Variants in EPHB2 observed in about 807,000 individuals in gnomAD.
The protein encoded by EPHB2 is ephrin type-B receptor 2.
A neutral mutation model predicts 96.4 loss-of-function variants in EPHB2; 18 were observed. That is an observed-to-expected ratio of 0.19 (90% CI 0.13 to 0.28). The LOEUF is 0.28. Among genes scored for constraint, EPHB2 ranks in the 10% least tolerant of loss-of-function variants. EPHB2 has a pLI of 1.00. For missense variants in EPHB2, 989 were observed against 1,355.4 expected, an observed-to-expected ratio of 0.73 and a Z score of 4.25; for synonymous variants, 506 against 534.1, an observed-to-expected ratio of 0.95 and a Z score of 0.72.
chr1:22,864,034 CTT>C (rs201727615), intron 4 of EPHB2, among the ~76,000 whole-genome samples: 275 of 131,054 alleles, frequency 2.1e-3, no homozygotes, highest in Middle Eastern at 0.015. Context: ...AGTTTCTGTT[CTT>C]TTTTTTTTTT....
chr1:22,895,985 C>A (rs1346889806), intron 8 of EPHB2, among the ~76,000 whole-genome samples: 1 of 152,204 alleles, frequency 6.6e-6, no homozygotes, highest in East Asian at 1.9e-4. Context: ...GGGGGAGGGA[C>A]CTCCCAAGTG....
At chr1:22,716,774 A>AG (rs1643305294) in intron 1 of EPHB2, among the ~76,000 whole-genome samples, 2 of 152,210 alleles carry the variant, frequency 1.3e-5, no homozygotes, top group Admixed American at 1.3e-4. Flanking sequence ...CCTAACAGGA[A>AG]GGGGCAGATG....
intron 13 of EPHB2, 102 bp from the exon 14 acceptor site, chr1:22,910,280 A>G: frequency 6.7e-7 from 1 of 1,484,816 alleles, no homozygotes; most frequent in Non-Finnish European, 9.3e-7. Context: ...CAGCAACTAA[A>G]TAGGTCAGAC....
chr1:22,865,897 C>A (rs1237530639), intron 5 of EPHB2, among the ~76,000 whole-genome samples: 1 of 152,274 alleles, frequency 6.6e-6, no homozygotes, highest in East Asian at 1.9e-4. Flanking sequence ...CTTTAGTAAC[C>A]TTTTCTGTGG....
chr1:22,891,275 A>G, intron 6 of EPHB2: 1 of 444,956 alleles, frequency 2.2e-6, no homozygotes, highest in Non-Finnish European at 4.5e-6. Context: ...CACGCACTGA[A>G]TCTTCATTGT....
intron 3 of EPHB2, among the ~76,000 whole-genome samples, 167 bp downstream of exon 3, chr1:22,785,243 A>C (rs923230732): frequency 2.0e-5 from 3 of 152,216 alleles, no homozygotes; most frequent in Non-Finnish European, 2.9e-5. Context: ...TCTTAGAGGG[A>C]GGCACTTGAA....
In EPHB2 at chr1:22,858,998, C is replaced by T. The variant is rs1048110068; in HGVS notation, c.812-4039C>T. 6.6e-6 allele frequency among the ~76,000 whole-genome samples: 1 copy of T among 152,126 alleles called. No individual in the cohort carries two copies. Among genetic ancestry groups the T allele is most frequent in the African/African-American group, 2.4e-5 (1 of 41,408 alleles). ...ACTGTATACAAAAAAATTAGCCCGG[C>T]GTGGTGGTGCATGCCTGTAATCCCA... is the stretch of plus-strand genomic sequence containing the variant. On this transcript the variant is annotated intron_variant, in intron 3 of 15. Transcript: ENST00000374630. This position sits in a 1 kb window ranked among gnomAD's most constrained non-coding sequence, Gnocchi z 7.7.
chr1:22,791,271 G>C (rs552584795), intron 3 of EPHB2, among the ~76,000 whole-genome samples: 8 of 151,732 alleles, frequency 5.3e-5, no homozygotes, highest in Admixed American at 3.3e-4. Context: ...AGAATCTTTA[G>C]AAATTACTGA....
chr1:22,833,492 T>C (rs1361811081), intron 3 of EPHB2, among the ~76,000 whole-genome samples: 1 of 152,204 alleles, frequency 6.6e-6, no homozygotes, highest in African/African-American at 2.4e-5. Context: ...GGAATAGGAT[T>C]GGAATTACAA....
chr1:22,876,856 G>A (rs905917125), intron 5 of EPHB2, among the ~76,000 whole-genome samples: 1 of 152,186 alleles, frequency 6.6e-6, no homozygotes, highest in African/African-American at 2.4e-5. Flanking sequence ...CCTGGCAAAT[G>A]CTGCCTCCTT....
At chr1:22,795,224 A>G (rs1396022341) in intron 3 of EPHB2, among the ~76,000 whole-genome samples, 2 of 152,234 alleles carry the variant, frequency 1.3e-5, no homozygotes, top group South Asian at 2.1e-4. Context: ...GACTTAAACC[A>G]AGACCTGCCT....
chr1:22,877,883 C>T (rs1034617314), intron 5 of EPHB2, among the ~76,000 whole-genome samples: 1 of 152,236 alleles, frequency 6.6e-6, no homozygotes, highest in African/African-American at 2.4e-5. Flanking sequence ...AGGCCCCACT[C>T]CAGACCTGCT....
At chr1:22,715,089 C>T (rs539095828) in intron 1 of EPHB2, among the ~76,000 whole-genome samples, 19 of 152,082 alleles carry the variant, frequency 1.2e-4, no homozygotes, top group African/African-American at 1.2e-4. Context: ...TGCTCAGTAA[C>T]GGAATGACAT....
At chr1:22,746,698 C>A (rs951480203) in intron 1 of EPHB2, among the ~76,000 whole-genome samples, 1 of 152,248 alleles carries the variant, frequency 6.6e-6, no homozygotes, top group African/African-American at 2.4e-5. Context: ...ATCCTGACCT[C>A]CTTCTGCACG....
chr1:22,842,191 C>T (rs997797716), intron 3 of EPHB2, among the ~76,000 whole-genome samples: 3 of 151,948 alleles, frequency 2.0e-5, no homozygotes, highest in East Asian at 1.9e-4. Context: ...TGCCAGCCCC[C>T]CAGGCACCTG....
At chr1:22,752,890 C>T (rs1484470833) in intron 1 of EPHB2, among the ~76,000 whole-genome samples, 1 of 152,004 alleles carries the variant, frequency 6.6e-6, no homozygotes, top group Non-Finnish European at 1.5e-5. Flanking sequence ...CTCAAGCAAT[C>T]TTCCTGCCTC....
chr1:22,806,227 C>T (rs148525929), intron 3 of EPHB2, among the ~76,000 whole-genome samples: 438 of 152,288 alleles, frequency 2.9e-3, no homozygotes, highest in South Asian at 0.025. Flanking sequence ...GTAATCACCC[C>T]CCTTTTACAG....
At chr1:22,728,902 T>G (rs1367713428) in intron 1 of EPHB2, among the ~76,000 whole-genome samples, 1 of 152,210 alleles carries the variant, frequency 6.6e-6, no homozygotes, top group Non-Finnish European at 1.5e-5. Flanking sequence ...CCCAGTGGCC[T>G]GCGGGAGGAG....
intron 4 of EPHB2, 161 bp downstream of exon 4, chr1:22,863,353 C>T: frequency 2.6e-6 from 3 of 1,143,474 alleles, no homozygotes; most frequent in Non-Finnish European, 2.5e-6. Context: ...CTGGGGTGGC[C>T]ATGCTCCCAC....
Sources: gnomAD v4.1 joint callset for allele counts (sites outside exome capture counted in the v4.1 genomes callset) on GRCh38, gnomAD v4.1.1 for gene constraint, Gnocchi (gnomAD v3.1) non-coding constraint, MANE v1.5 for transcripts, NCBI Gene and HGNC (gene_info 2026-07-23, HGNC 2026-07-21) for gene names.